ZNF268: variants seen among roughly 807,000 people sequenced by gnomAD.
ZNF268 encodes zinc finger protein 3.
ZNF268 carries 20 observed loss-of-function variants against 29.3 expected under a neutral mutation model. That is an observed-to-expected ratio of 0.68 (90% CI 0.48 to 0.99). The LOEUF is 0.99. ZNF268 is among the 50% of genes least tolerant of loss of function. The pLI is 0.00. For synonymous variants in ZNF268, 429 were observed against 376.9 expected (o/e 1.14, Z -1.60); for missense variants, 1,240 against 1,121.6 (o/e 1.11, Z -1.51).
rs779612954 is a variant in ZNF268 at position 133,203,601 on chromosome 12, C to A, written c.1915C>A (p.Pro639Thr). ...TCAGAGAACTCATACAGGAGAGAAA[C>A]CCTATAGTTGTAATGAATGTGGAAA... ...VHQRTHTGEK[P>T]YSCNECGKAF... Residue 639 changes from proline (P) to threonine (T), a missense_variant, in exon 6 of 6, where the codon CCC becomes ACC. Transcript: ENST00000536435. 3 of 1,570,140 alleles carry A rather than the reference C, an allele frequency of 1.9e-6. No individual in the cohort carries two copies. Among genetic ancestry groups the A allele is most frequent in the African/African-American group, 1.4e-5 (1 of 73,800 alleles).
At chr12:133,196,213 T>A in intron 5 of ZNF268, among the ~76,000 whole-genome samples, 1 of 145,398 alleles carries the variant, frequency 6.9e-6, no homozygotes, top group Non-Finnish European at 1.5e-5. Flanking sequence ...TCCCAGCTAC[T>A]CGGGAGGCTG....
Position 133,207,915 on chromosome 12 carries a change from A to C in ZNF268, c.*3385A>C, listed in dbSNP as rs1292712115. 6.6e-6 allele frequency: 1 copy of C among 152,234 alleles called. No individual in the cohort carries two copies. Among genetic ancestry groups the C allele is most frequent in the Non-Finnish European group, 1.5e-5 (1 of 68,050 alleles). 9.4% of individuals were successfully genotyped at this position (152,234 alleles called of 1,614,324 possible). The stretch of plus-strand genomic sequence containing the variant: ...TCAGTATATGCTGATAAATCACTTG[A>C]TGGAATTTAACACCCATAGATGACA... On this transcript the variant is annotated 3_prime_UTR_variant, in exon 6 of 6. Coordinates refer to ENST00000536435, the MANE Select transcript of ZNF268 (RefSeq NM_003415.3).
chr12:133,190,253 C>G (rs975038426), intron 3 of ZNF268, among the ~76,000 whole-genome samples: 5 of 152,190 alleles, frequency 3.3e-5, no homozygotes, highest in Non-Finnish European at 5.9e-5. Flanking sequence ...CTTTTCATAT[C>G]TGATGCTTGT....
At position 133,181,946 on chromosome 12, in the gene ZNF268, C is replaced by T; in HGVS notation, c.-52C>T. The stretch of plus-strand genomic sequence containing the variant: ...TTCTTCACTGTGCTCTCTCTTCTAG[C>T]ATCCCTCGCGTCCTGTCACTTCCAG... On this transcript the variant is annotated splice_region_variant and 5_prime_UTR_variant, in exon 2 of 6. Coordinates refer to ENST00000536435, the MANE Select transcript of ZNF268 (RefSeq NM_003415.3). The T allele has an allele frequency of 6.5e-7, 1 of 1,547,970 alleles. No homozygotes were observed. The highest frequency in any genetic ancestry group is 1.4e-5 in the African/African-American group (1 of 73,148).
rs180732936 is a variant in ZNF268, at chr12:133,211,338, T to C, written c.*6808T>C. The C allele has an allele frequency of 1.0e-3, 315 of 312,896 alleles. 4 individuals carry two copies. The East Asian group carries it at 0.02, about 20-fold the overall frequency. 19.4% of individuals were successfully genotyped at this position (312,896 alleles called of 1,614,324 possible). On this transcript the variant is annotated 3_prime_UTR_variant, in exon 6 of 6. Transcript: ENST00000536435. Reference sequence around the variant, plus strand: ...GGCTCACGCCTGTAATCCCAGCACTTTGGGAGGCCGAGGCGGGCAGATCAC... The same window carrying C: ...GGCTCACGCCTGTAATCCCAGCACTCTGGGAGGCCGAGGCGGGCAGATCAC...
chr12:133,192,330 ACTCCTGACCTCAGGTGATC>A (rs1566370940), intron 5 of ZNF268, among the ~76,000 whole-genome samples: 1 of 149,594 alleles, frequency 6.7e-6, no homozygotes, highest in Non-Finnish European at 1.5e-5. Flanking sequence ...CTAGTCTCGA[ACTCCTGACCTCAGGTGATC>A]CGCCTGCCTT....
chr12:133,206,231 G>T lies in ZNF268; in HGVS notation c.*1701G>T, dbSNP rs953860553. 4 of 152,174 alleles carry T rather than the reference G, an allele frequency of 2.6e-5. No homozygotes were observed. Among genetic ancestry groups the T allele is most frequent in the Non-Finnish European group, 2.9e-5 (2 of 68,030 alleles). 9.4% of individuals were successfully genotyped at this position (152,174 alleles called of 1,614,324 possible). Reference sequence around the variant, plus strand: ...GACAGGATGGAAGTCTTTTAAGCAAGAAACTTGGCCCATGCTATGAAGTCA... The same window carrying T: ...GACAGGATGGAAGTCTTTTAAGCAATAAACTTGGCCCATGCTATGAAGTCA... On this transcript the variant is annotated 3_prime_UTR_variant, in exon 6 of 6. Transcript: ENST00000536435.
Position 133,209,683 on chromosome 12 carries a change from A to C in ZNF268, c.*5153A>C, listed in dbSNP as rs1217151448. ...TCTACTAAAAATACAAAAATTGGCC[A>C]GCTGTGGTGGCATGCATCTATAATC... On this transcript the variant is annotated 3_prime_UTR_variant, in exon 6 of 6. Transcript: ENST00000536435. 1 of 152,146 alleles carries C rather than the reference A, an allele frequency of 6.6e-6. No homozygotes were observed. Among genetic ancestry groups the C allele is most frequent in the Admixed American group, 6.5e-5 (1 of 15,274 alleles). The allele number at this position is 152,146 out of a possible 1,614,324, so 9.4% of individuals were successfully genotyped here.
In ZNF268 at chr12:133,187,901, A is replaced by G. The variant is rs1423057952; in HGVS notation, c.63A>G (p.Ser21=). ...CACCTCTCCAAGAACGAAACAGTTC[A>G]TGGGATAGGATCAGAAAGCTCCAAG... ...WVPPLQERNS[S]WDRIRKLQGQ... Residue 21 remains serine, a synonymous_variant, in exon 3 of 6, where the codon TCA becomes TCG. Transcript: ENST00000536435. The G allele has an allele frequency of 1.3e-6, 2 of 1,599,318 alleles. No homozygotes were observed. The highest frequency in any genetic ancestry group is 3.5e-5 in the Admixed American group (2 of 57,764).
rs1377619678 is a variant in ZNF268 at position 133,183,974 on chromosome 12, CTGTT to C, written c.33+1948_33+1951del. On this transcript the variant is annotated intron_variant, in intron 2 of 5. Coordinates refer to ENST00000536435, the MANE Select transcript of ZNF268 (RefSeq NM_003415.3). ...AGTAATATTAGATCATTGTCTTAGT[CTGTT>C]TGTGCTACTGTAACAAAATATCACA... Among the ~76,000 whole-genome samples the C allele has an allele frequency of 3.3e-5, 5 of 152,226 alleles. No individual in the cohort carries two copies. The East Asian group carries it at 5.8e-4, about 18-fold the overall frequency.
At chr12:133,196,678 C>A (rs577374834) in intron 5 of ZNF268, among the ~76,000 whole-genome samples, 4 of 152,282 alleles carry the variant, frequency 2.6e-5, no homozygotes, top group Non-Finnish European at 4.4e-5. Context: ...AGTAATTATT[C>A]ACTGGCCTAT....
rs1432912125 is a variant in ZNF268, at chr12:133,204,205, A to C, written c.2519A>C (p.Gln840Pro). The C allele has an allele frequency of 6.5e-7, 1 of 1,540,702 alleles. No homozygotes were observed. The highest frequency in any genetic ancestry group is 2.0e-5 in the Admixed American group (1 of 51,018). Residue 840 changes from glutamine (Q) to proline (P), a missense_variant, in exon 6 of 6, where the codon CAA becomes CCA. By Grantham distance (76) the Gln-to-Pro change is moderately conservative. Transcript: ENST00000536435. ...HAGVNPYKCS[Q>P]CEKSFSGKLR... ...GGGGTCAACCCTTATAAATGCAGTC[A>C]ATGTGAGAAATCCTTCAGTGGGAAA...
rs977482902 is a variant in ZNF268 at position 133,207,115 on chromosome 12, G to A, written c.*2585G>A. ...ATGAAAATTTTACAAAACAGAAATTGAGTTACTGGTTTGTAAATCTATCTA... is the reference window on the plus strand; with the variant it reads ...ATGAAAATTTTACAAAACAGAAATTAAGTTACTGGTTTGTAAATCTATCTA... On this transcript the variant is annotated 3_prime_UTR_variant, in exon 6 of 6. Coordinates refer to ENST00000536435, the MANE Select transcript of ZNF268 (RefSeq NM_003415.3). 6 of 152,154 alleles carry A rather than the reference G, an allele frequency of 3.9e-5. No individual in the cohort carries two copies. Among genetic ancestry groups the A allele is most frequent in the Non-Finnish European group, 5.9e-5 (4 of 68,018 alleles). 9.4% of individuals were successfully genotyped at this position (152,154 alleles called of 1,614,324 possible). A position where few individuals can be genotyped will look rare whatever the true frequency, so the allele number is the denominator to read the frequency against.
In ZNF268 at chr12:133,205,144, T is replaced by TAAAAAAAAAAAAAAAAAAAGAAAAAA. The variant is rs1956869183; in HGVS notation, c.*633_*634insGAAAAAAAAAAAAAAAAAAAAAAAAA. 2.4e-5 allele frequency: 1 copy of TAAAAAAAAAAAAAAAAAAAGAAAAAA among 42,270 alleles called. No individual in the cohort carries two copies. Among genetic ancestry groups the TAAAAAAAAAAAAAAAAAAAGAAAAAA allele is most frequent in the Non-Finnish European group, 4.5e-5 (1 of 22,218 alleles). The allele number at this position is 42,270 out of a possible 1,614,324, so 2.6% of individuals were successfully genotyped here. A position where few individuals can be genotyped will look rare whatever the true frequency, so the allele number is the denominator to read the frequency against. ...TAACCTCACCTTAGAAGCTTCATTCTAAAAAAAAAAAAAAAAAAAAAAAAA... is the reference window on the plus strand; with the variant it reads ...TAACCTCACCTTAGAAGCTTCATTCTAAAAAAAAAAAAAAAAAAAGAAAAAAAAAAAAAAAAAAAAAAAAAAAAAAA... On this transcript the variant is annotated 3_prime_UTR_variant, in exon 6 of 6. Transcript: ENST00000536435.
intron 5 of ZNF268, among the ~76,000 whole-genome samples, chr12:133,195,233 C>T (rs546674321): frequency 5.9e-5 from 9 of 152,160 alleles, no homozygotes; most frequent in South Asian, 2.1e-4. Context: ...TCGAGATGGT[C>T]GTTGGGGAAA....
chr12:133,210,693 A>C lies in ZNF268; in HGVS notation c.*6163A>C, dbSNP rs1404538337. ...AAGCAAGGTCTGTTTGTCACTGTGG[A>C]TTCCCCCCTGCCAAGGGTCCCCAGG... On this transcript the variant is annotated 3_prime_UTR_variant, in exon 6 of 6. Coordinates refer to ENST00000536435, the MANE Select transcript of ZNF268 (RefSeq NM_003415.3). 1.9e-5 allele frequency: 7 copies of C among 376,220 alleles called. No homozygotes were observed. Among genetic ancestry groups the C allele is most frequent in the Non-Finnish European group, 2.1e-5 (4 of 187,498 alleles). The allele number at this position is 376,220 out of a possible 1,614,324, so 23.3% of individuals were successfully genotyped here.
At chr12:133,193,454 A>G (rs1387996729) in intron 5 of ZNF268, 2 of 693,004 alleles carry the variant, frequency 2.9e-6, no homozygotes, top group African/African-American at 1.8e-5. Flanking sequence ...GTCCAAAGCC[A>G]AGGTGCTGGC....
chr12:133,203,233 T>C lies in ZNF268; in HGVS notation c.1547T>C (p.Ile516Thr), dbSNP rs1026576253. The C allele has an allele frequency of 5.9e-6, 9 of 1,537,870 alleles. No homozygotes were observed. The highest frequency in any genetic ancestry group is 1.4e-5 in the African/African-American group (1 of 73,022). The change falls in exon 6 of 6, where the codon ATT becomes ACT. Residue 516 changes from isoleucine to threonine, a missense_variant. Coordinates refer to ENST00000536435, the MANE Select transcript of ZNF268 (RefSeq NM_003415.3). ...GKAFRSKSYLIIHTRTHTGEK... is the reference protein window; with the variant it reads ...GKAFRSKSYLTIHTRTHTGEK... ...GCCTTCAGGAGCAAGTCATACCTTA[T>C]TATACATACAAGGACTCATACAGGA...
intron 5 of ZNF268, among the ~76,000 whole-genome samples, chr12:133,198,258 G>A (rs1327381911): frequency 6.7e-6 from 1 of 150,142 alleles, no homozygotes; most frequent in Admixed American, 6.6e-5. Context: ...CATATGGCTA[G>A]CCAGTTTTCC....
Sources: allele counts gnomAD v4.1 joint callset (sites outside exome capture counted in the v4.1 genomes callset), GRCh38; gene constraint gnomAD v4.1.1; transcripts MANE v1.5; gene names NCBI Gene and HGNC (gene_info 2026-07-23, HGNC 2026-07-21).